The following RPRD2 variants were observed in gnomAD, a reference collection of about 807,000 sequenced individuals.
RPRD2 encodes the protein regulation of nuclear pre-mRNA domain-containing protein 2.
In RPRD2, 12 loss-of-function variants were observed where a neutral mutation model predicts 104.4. That is an observed-to-expected ratio of 0.11 (90% CI 0.07 to 0.19). The LOEUF (loss-of-function observed/expected upper bound fraction) is 0.19, where lower values mean the gene tolerates loss of function less well. Among genes scored for constraint, RPRD2 ranks in the 10% least tolerant of loss-of-function variants. The pLI, the probability that RPRD2 is intolerant of heterozygous loss-of-function variation, is 1.00. For missense variants in RPRD2, 1,543 were observed against 1,790.1 expected, an observed-to-expected ratio of 0.86 and a Z score of 2.49; for synonymous variants, 714 against 684.9, an observed-to-expected ratio of 1.04 and a Z score of -0.66.
intron 1 of RPRD2, among the ~76,000 whole-genome samples, chr1:150,388,343 T>C (rs975864658): frequency 6.1e-5 from 9 of 147,798 alleles, no homozygotes; most frequent in South Asian, 4.2e-4. Context: ...CATGTGTATA[T>C]ACACACACAT....
At chr1:150,383,949 A>G (rs60459288) in intron 1 of RPRD2, among the ~76,000 whole-genome samples, 7,208 of 152,222 alleles carry the variant, frequency 0.047, 432 homozygotes, top group African/African-American at 0.13. Flanking sequence ...ACAAATTTGT[A>G]CTTTGTGCAA....
At chr1:150,371,047 TATGTTTTTCAAA>T (rs1214093794) in intron 1 of RPRD2, among the ~76,000 whole-genome samples, 4 of 152,194 alleles carry the variant, frequency 2.6e-5, no homozygotes, top group Non-Finnish European at 5.9e-5. Context: ...TGCAAGCTGG[TATGTTTTTCAAA>T]ATGAAACATA....
intron 2 of RPRD2, among the ~76,000 whole-genome samples, chr1:150,418,506 C>T (rs1664532452): frequency 6.6e-6 from 1 of 152,120 alleles, no homozygotes; most frequent in Non-Finnish European, 1.5e-5. Context: ...ATCATACTCC[C>T]AACTCCATGT....
chr1:150,441,180 G>A (rs1666383209), intron 3 of RPRD2, 157 bp downstream of exon 3: 1 of 483,966 alleles, frequency 2.1e-6, no homozygotes, highest in African/African-American at 2.0e-5. Context: ...ATCTAGATCT[G>A]TTTGAATTAA....
intron 1 of RPRD2, among the ~76,000 whole-genome samples, chr1:150,390,917 A>G (rs1226958525): frequency 6.6e-6 from 1 of 152,130 alleles, no homozygotes; most frequent in Non-Finnish European, 1.5e-5. Flanking sequence ...ATATGAAGGA[A>G]GGGGGTTAAA....
At position 150,364,664 on chromosome 1, in the gene RPRD2, G is replaced by T; in HGVS notation, c.-51G>T. ...GATTGTTTTGCCCGCTCCCGCCGCC[G>T]CCGCCGCCGCCGCCGCCAGAGGAGC... On this transcript the variant is annotated 5_prime_UTR_variant, in exon 1 of 11. Coordinates refer to ENST00000369068, the MANE Select transcript of RPRD2 (RefSeq NM_015203.5). The T allele has an allele frequency of 1.9e-6, 2 of 1,054,942 alleles. No individual in the cohort carries two copies. The highest frequency in any genetic ancestry group is 2.7e-6 in the Non-Finnish European group (2 of 728,378). 65.3% of individuals were successfully genotyped at this position (1,054,942 alleles called of 1,614,324 possible).
At chr1:150,373,629 A>T (rs1270251359) in intron 1 of RPRD2, among the ~76,000 whole-genome samples, 4 of 148,412 alleles carry the variant, frequency 2.7e-5, no homozygotes, top group African/African-American at 9.9e-5. Flanking sequence ...AGATTTTGGG[A>T]AGAAGATGAG....
intron 1 of RPRD2, among the ~76,000 whole-genome samples, chr1:150,374,378 A>G (rs1660549082): frequency 6.6e-6 from 1 of 152,046 alleles, no homozygotes; most frequent in Non-Finnish European, 1.5e-5. Flanking sequence ...GTCCTTTGTT[A>G]TGTCCTTTAT....
At chr1:150,428,226 TG>T (rs1553890907) in intron 2 of RPRD2, among the ~76,000 whole-genome samples, 3 of 151,820 alleles carry the variant, frequency 2.0e-5, no homozygotes, top group Non-Finnish European at 1.5e-5. Context: ...CCGAGGTGGG[TG>T]GATCACCTGA....
At chr1:150,393,221 G>A (rs1360270506) in intron 1 of RPRD2, among the ~76,000 whole-genome samples, 1 of 151,888 alleles carries the variant, frequency 6.6e-6, no homozygotes, top group Non-Finnish European at 1.5e-5. Context: ...GTAAATCACA[G>A]CATTTCAGGA....
At chr1:150,372,889 T>C (rs1300280293) in intron 1 of RPRD2, among the ~76,000 whole-genome samples, 2 of 151,974 alleles carry the variant, frequency 1.3e-5, no homozygotes, top group Non-Finnish European at 2.9e-5. Context: ...TCAAAGAGAT[T>C]ATGGTGGGTG....
chr1:150,433,505 C>T (rs1422103940), intron 2 of RPRD2, among the ~76,000 whole-genome samples: 19 of 127,232 alleles, frequency 1.5e-4, no homozygotes, highest in African/African-American at 4.9e-4. Context: ...AGTGCAGTGG[C>T]GCAATCTCAG....
At chr1:150,423,271 A>G (rs1664885723) in intron 2 of RPRD2, among the ~76,000 whole-genome samples, 1 of 152,168 alleles carries the variant, frequency 6.6e-6, no homozygotes, top group Non-Finnish European at 1.5e-5. Flanking sequence ...ACTGTGGACT[A>G]CTCTGCAACC....
At chr1:150,371,358 TTTTTTG>T (rs1180136261) in intron 1 of RPRD2, among the ~76,000 whole-genome samples, 3 of 151,980 alleles carry the variant, frequency 2.0e-5, no homozygotes, top group Non-Finnish European at 2.9e-5. Context: ...CACAAAGAGG[TTTTTTG>T]TTTTTGTTTT....
Position 150,472,633 on chromosome 1 carries a change from C to G in RPRD2, c.3685C>G (p.Arg1229Gly). ...TAAGGATCATGGTGGTATCTTCTCT[C>G]GAGATGCACCCACTCATCTACCCTC... ...PPKDHGGIFSRDAPTHLPSVD... is the reference protein window; with the variant it reads ...PPKDHGGIFSGDAPTHLPSVD... The change falls in exon 11 of 11, where the codon CGA (arginine) becomes GGA (glycine). Residue 1229 changes from arginine (R) to glycine (G), a missense_variant. Physicochemically the swap from Arg to Gly is moderately radical, Grantham distance 125. Transcript: ENST00000369068. The G allele has an allele frequency of 1.2e-6, 2 of 1,613,870 alleles. No individual in the cohort carries two copies. Among genetic ancestry groups the G allele is most frequent in the Non-Finnish European group, 1.7e-6 (2 of 1,179,796 alleles).
intron 7 of RPRD2, among the ~76,000 whole-genome samples, chr1:150,457,060 T>A (rs1454213055): frequency 1.3e-5 from 2 of 151,494 alleles, no homozygotes; most frequent in East Asian, 3.9e-4. Context: ...CCCATCTCTA[T>A]TAAAAATACA....
intron 2 of RPRD2, among the ~76,000 whole-genome samples, chr1:150,423,458 C>T (rs1177362417): frequency 1.3e-5 from 2 of 152,130 alleles, no homozygotes; most frequent in Non-Finnish European, 2.9e-5. Flanking sequence ...TGTGCTTATA[C>T]ATTTTCATCT....
At chr1:150,389,296 T>A (rs987407902) in intron 1 of RPRD2, among the ~76,000 whole-genome samples, 1 of 152,178 alleles carries the variant, frequency 6.6e-6, no homozygotes, top group South Asian at 2.1e-4. Context: ...GCGATCTGCC[T>A]GCCTCGGCCT....
chr1:150,445,433 AAAG>A (rs587630529), intron 6 of RPRD2, among the ~76,000 whole-genome samples: 21 of 152,322 alleles, frequency 1.4e-4, no homozygotes, highest in African/African-American at 4.8e-4. Context: ...TTCAGATAGG[AAAG>A]AAGAACTTTT....
Sources: gnomAD v4.1 joint callset for allele counts (sites outside exome capture counted in the v4.1 genomes callset) on GRCh38, gnomAD v4.1.1 for gene constraint, MANE v1.5 for transcripts, NCBI Gene and HGNC (gene_info 2026-07-23, HGNC 2026-07-21) for gene names.